PSG3: variants seen among roughly 807,000 people sequenced by gnomAD.
The protein encoded by PSG3 is pregnancy-specific beta-1-glycoprotein 3.
Under a neutral mutation model 47.5 loss-of-function variants are expected in PSG3, and 61 were observed. The ratio of observed to expected loss-of-function variants is 1.28; its 90% CI spans 1.05 to 1.59. The LOEUF (loss-of-function observed/expected upper bound fraction) is 1.59. Among genes scored for constraint, PSG3 ranks in the 40% most tolerant of loss-of-function variants. PSG3 has a pLI of 0.00. For missense variants in PSG3, 756 were observed against 524.0 expected (o/e 1.44, Z -4.32); for synonymous variants, 263 against 198.4 (o/e 1.33, Z -2.74).
chr19:42,736,479 C>G (rs2122193747), intron 2 of PSG3, among the ~76,000 whole-genome samples: 1 of 152,316 alleles, frequency 6.6e-6, no homozygotes, highest in South Asian at 2.1e-4. Context: ...GCCCCTGAAA[C>G]TATCCTTGAA....
chr19:42,732,961 A>T lies in PSG3; in HGVS notation c.532T>A (p.Tyr178Asn). 1 of 1,614,150 alleles carries T rather than the reference A, an allele frequency of 6.2e-7. No homozygotes were observed. Residue 178 changes from tyrosine to asparagine, a missense_variant, in exon 3 of 7, where the codon TAC becomes AAC. Coordinates refer to ENST00000327495, the MANE Select transcript of PSG3 (RefSeq NM_021016.4). ...TCDPETPDAS[Y>N]LWWMNGQSLP... Reference sequence around the variant, plus strand: ...CTCTGACCATTCATCCACCACAGGTAGCTTGCGTCCGGAGTCTCAGGATCA... The same window carrying T: ...CTCTGACCATTCATCCACCACAGGTTGCTTGCGTCCGGAGTCTCAGGATCA...
At position 42,729,699 on chromosome 19, in the gene PSG3, G is replaced by T. The variant is rs1179470985; in HGVS notation, c.988+79C>A. On this transcript the variant is annotated intron_variant, in intron 4 of 6. Coordinates refer to ENST00000327495, the MANE Select transcript of PSG3 (RefSeq NM_021016.4). ...TAATGGTATCTATACTTGGACCAGAGAGAGAGTGAGAGGCCTGGCCTCTGG... is the reference window on the plus strand; with the variant it reads ...TAATGGTATCTATACTTGGACCAGATAGAGAGTGAGAGGCCTGGCCTCTGG... 1.1e-5 allele frequency: 17 copies of T among 1,574,016 alleles called. No homozygotes were observed. In the Middle Eastern group the frequency reaches 6.6e-4, roughly 61 times the overall value.
At chr19:42,725,592 G>C (rs1969363001) in intron 5 of PSG3, among the ~76,000 whole-genome samples, 1 of 152,120 alleles carries the variant, frequency 6.6e-6, no homozygotes, top group East Asian at 1.9e-4. Context: ...TGAGCATGGT[G>C]GGTCATGTTT....
rs577037231 is a variant in PSG3, at chr19:42,732,780, T to A, written c.709+4A>T. The A allele has an allele frequency of 6.2e-7, 1 of 1,614,128 alleles. No individual in the cohort carries two copies. Among genetic ancestry groups the A allele is most frequent in the Non-Finnish European group, 8.5e-7 (1 of 1,179,998 alleles). On this transcript the variant is annotated splice_donor_region_variant and intron_variant, in intron 3 of 6. Coordinates refer to ENST00000327495, the MANE Select transcript of PSG3 (RefSeq NM_021016.4). ...TGGCTCACAGAGGAACAGGAGATAC[T>A]CACGGAGGAGATTCAGGGTGACTGG...
At position 42,738,912 on chromosome 19, in the gene PSG3, G is replaced by C. The variant is rs1297283242; in HGVS notation, c.242C>G (p.Ser81Ter). The C allele has an allele frequency of 6.2e-7, 1 of 1,613,926 alleles. No homozygotes were observed. Among genetic ancestry groups the C allele is most frequent in the Non-Finnish European group, 8.5e-7 (1 of 1,179,992 alleles). Residue 81 changes from serine (S) to a stop codon, truncating the protein, a stop_gained, in exon 2 of 7, where the codon TCA becomes TGA. Transcript: ENST00000327495. LOFTEE classifies it high-confidence loss of function. ...AATTATTTGACCATCTACTACGTAT[G>C]ATGTAATGTAATGGTAGAGGTCCTT... is the stretch of plus-strand genomic sequence containing the variant. ...QMKDLYHYITSYVVDGQIIIY... is the reference protein window; with the variant it reads ...QMKDLYHYIT
In PSG3 at chr19:42,725,723, G is replaced by A. The variant is rs117687842; in HGVS notation, c.1244-1698C>T. Among the ~76,000 whole-genome samples, 597 of 151,820 alleles carry A rather than the reference G, an allele frequency of 3.9e-3. 3 individuals are homozygous for A. The highest frequency in any genetic ancestry group is 0.013 in the South Asian group (60 of 4,800). ...AAAAATAAAAAAGCCAATTAGCTGC[G>A]CATGGTGACATGCACCTGTAGTCCT... On this transcript the variant is annotated intron_variant, in intron 5 of 6. Transcript: ENST00000327495.
At position 42,738,568 on chromosome 19, in the gene PSG3, T is replaced by G. The variant is rs545300569; in HGVS notation, c.430+156A>C. On this transcript the variant is annotated intron_variant, in intron 2 of 6. Transcript: ENST00000327495. ...GAAAGGAATTCTGATCTGTTGAAAT[T>G]TGTCTCTTCTGTGTGTGTCCTGCAC... is the stretch of plus-strand genomic sequence containing the variant. 6.4e-4 allele frequency among the ~76,000 whole-genome samples: 97 copies of G among 152,278 alleles called. 1 individual carries two copies. Among genetic ancestry groups the G allele is most frequent in the Admixed American group, 6.1e-3 (94 of 15,296 alleles).
intron 6 of PSG3, among the ~76,000 whole-genome samples, chr19:42,722,723 T>C (rs1969318643): frequency 6.6e-6 from 1 of 152,234 alleles, no homozygotes; most frequent in Non-Finnish European, 1.5e-5. Context: ...GTGTAGCCCA[T>C]TCATAAATAG....
Position 42,723,891 on chromosome 19 carries a change from G to A in PSG3, c.*40+51C>T, listed in dbSNP as rs917236438. 10 of 1,407,908 alleles carry A rather than the reference G, an allele frequency of 7.1e-6. No individual in the cohort carries two copies. In the East Asian group the frequency reaches 1.1e-4, roughly 16 times the overall value. The allele number at this position is 1,407,908 out of a possible 1,614,324, so 87.2% of individuals were successfully genotyped here. The stretch of plus-strand genomic sequence containing the variant: ...CAAATAAGTCTTTTCCCTCTCCCAA[G>A]CATGGCAGTTAGCCCTGCAGGAACC... On this transcript the variant is annotated intron_variant, in intron 6 of 6. Transcript: ENST00000327495.
intron 5 of PSG3, among the ~76,000 whole-genome samples, chr19:42,725,676 T>C (rs1228302746): frequency 1.3e-5 from 2 of 151,968 alleles, no homozygotes; most frequent in African/African-American, 4.8e-5. Flanking sequence ...ATAGGTAACC[T>C]GGGGAGACCC....
chr19:42,730,104 C>A, intron 3 of PSG3, 48 bp from the exon 4 acceptor site: 1 of 1,601,376 alleles, frequency 6.2e-7, no homozygotes, highest in Non-Finnish European at 8.5e-7. Context: ...ACCTTTGATT[C>A]CTCCACTGGC....
At position 42,723,941 on chromosome 19, in the gene PSG3, C is replaced by T. The variant is rs747891581; in HGVS notation, c.*40+1G>A. 2.5e-6 allele frequency: 4 copies of T among 1,574,398 alleles called. No homozygotes were observed. The highest frequency in any genetic ancestry group is 1.7e-5 in the Admixed American group (1 of 59,958). ...CAGGATAAGAGGAAAGGTCATCATA[C>T]CTGCCAGTCTTCCTGAAATACAGAA... On this transcript the variant is annotated splice_donor_variant, in intron 6 of 6. Transcript: ENST00000327495. LOFTEE classifies it low-confidence loss of function (3UTR_SPLICE).
chr19:42,732,522 C>G, intron 3 of PSG3: 1 of 827,740 alleles, frequency 1.2e-6, no homozygotes, highest in Non-Finnish European at 1.8e-6. Flanking sequence ...GTTCACTGAT[C>G]TGGAGCCTGA....
In PSG3 at chr19:42,738,774, C is replaced by A; in HGVS notation, c.380G>T (p.Arg127Leu). 1 of 1,614,048 alleles carries A rather than the reference C, an allele frequency of 6.2e-7. No homozygotes were observed. The highest frequency in any genetic ancestry group is 8.5e-7 in the Non-Finnish European group (1 of 1,179,936). ...AGTTTCTCCTCTAGTCCCATCACCTCGCTTTACGATGTGTAAGGTGTAGGA... is the reference window on the plus strand; with the variant it reads ...AGTTTCTCCTCTAGTCCCATCACCTAGCTTTACGATGTGTAAGGTGTAGGA... ...AGSYTLHIVK[R>L]GDGTRGETGH... The change falls in exon 2 of 7, where the codon CGA becomes CTA. Residue 127 changes from arginine to leucine, a missense_variant. Coordinates refer to ENST00000327495, the MANE Select transcript of PSG3 (RefSeq NM_021016.4).
rs1469673186 is a variant in PSG3, at chr19:42,722,055, A to G, written c.*76T>C. ...AAAAAGCAATTTTGGACTGTAGCTG[A>G]TGGTAAATACTTTGAGGAAGAATGA... On this transcript the variant is annotated 3_prime_UTR_variant, in exon 7 of 7. Coordinates refer to ENST00000327495, the MANE Select transcript of PSG3 (RefSeq NM_021016.4). 4.8e-6 allele frequency: 2 copies of G among 415,026 alleles called. No individual in the cohort carries two copies. Among genetic ancestry groups the G allele is most frequent in the Non-Finnish European group, 8.8e-6 (2 of 226,242 alleles). The allele number at this position is 415,026 out of a possible 1,614,324, so 25.7% of individuals were successfully genotyped here.
At position 42,740,461 on chromosome 19, in the gene PSG3, T is replaced by C. The variant is rs182951700; in HGVS notation, c.-77A>G. 1.9e-6 allele frequency: 3 copies of C among 1,612,124 alleles called. No homozygotes were observed. The highest frequency in any genetic ancestry group is 2.7e-5 in the African/African-American group (2 of 74,862). On this transcript the variant is annotated 5_prime_UTR_variant, in exon 1 of 7. Coordinates refer to ENST00000327495, the MANE Select transcript of PSG3 (RefSeq NM_021016.4). ...AAACTTCCTGAGCATGGCTCTCAGC[T>C]GTGCTGTCCTTCCTCCTTCTGCGCT...
In PSG3 at chr19:42,729,901, G is replaced by T. The variant is rs770380050; in HGVS notation, c.865C>A (p.Pro289Thr). Residue 289 changes from proline (P) to threonine (T), a missense_variant, in exon 4 of 7, where the codon CCC becomes ACC. Pro to Thr is a conservative substitution (Grantham distance 38, BLOSUM62 -1). Coordinates refer to ENST00000327495, the MANE Select transcript of PSG3 (RefSeq NM_021016.4). The stretch of plus-strand genomic sequence containing the variant: ...AGAATGAGGATCCTGTTTTCAATGG[G>T]TCGCTTTACCCTGGGACTGACCGGG... ...SLPVSPRVKR[P>T]IENRILILPS... The T allele has an allele frequency of 1.9e-6, 3 of 1,612,202 alleles. No individual in the cohort carries two copies. The highest frequency in any genetic ancestry group is 2.5e-6 in the Non-Finnish European group (3 of 1,179,844).
At chr19:42,731,415 C>CT (rs950399470) in intron 3 of PSG3, among the ~76,000 whole-genome samples, 7 of 151,410 alleles carry the variant, frequency 4.6e-5, no homozygotes, top group East Asian at 1.9e-4. Flanking sequence ...TATTCTTGCC[C>CT]TTTTTTTTTC....
chr19:42,737,558 G>T (rs1248009470), intron 2 of PSG3, among the ~76,000 whole-genome samples: 1 of 152,124 alleles, frequency 6.6e-6, no homozygotes, highest in Admixed American at 6.5e-5. Context: ...TGACTCTGAC[G>T]GTTGAGGTAG....
Sources: gnomAD v4.1 joint callset for allele counts (sites outside exome capture counted in the v4.1 genomes callset) on GRCh38, gnomAD v4.1.1 for gene constraint, MANE v1.5 for transcripts, NCBI Gene and HGNC (gene_info 2026-07-23, HGNC 2026-07-21) for gene names.